UBE2E2: variants seen among roughly 807,000 people sequenced by gnomAD.
UBE2E2 encodes the protein ubiquitin-conjugating enzyme E2 E2.
A neutral mutation model predicts 24.7 loss-of-function variants in UBE2E2; 6 were observed. That is an observed-to-expected ratio of 0.24 (90% CI 0.13 to 0.48). The LOEUF (loss-of-function observed/expected upper bound fraction) is 0.48. UBE2E2 is among the 20% of genes least tolerant of loss of function. The pLI is 0.99. For synonymous variants in UBE2E2, 104 were observed against 83.6 expected (o/e 1.24, Z -1.33); for missense variants, 169 against 245.0 (o/e 0.69, Z 2.07).
chr3:23,297,484 G>A (rs907899048), intron 3 of UBE2E2, among the ~76,000 whole-genome samples: 4 of 152,134 alleles, frequency 2.6e-5, no homozygotes, highest in African/African-American at 9.7e-5. Flanking sequence ...ATTAATTTTT[G>A]TATAAGGTGT....
At chr3:23,485,031 G>A (rs1001890710) in intron 3 of UBE2E2, among the ~76,000 whole-genome samples, 2 of 151,834 alleles carry the variant, frequency 1.3e-5, no homozygotes, top group East Asian at 1.9e-4. Flanking sequence ...AGTCCTGTGG[G>A]AGTCTTGATT....
At chr3:23,390,510 C>T (rs779450155) in intron 3 of UBE2E2, among the ~76,000 whole-genome samples, 9 of 152,218 alleles carry the variant, frequency 5.9e-5, no homozygotes, top group Non-Finnish European at 1.2e-4. Flanking sequence ...CATCACCTTT[C>T]AGACCTTCAT....
At chr3:23,493,061 G>GC (rs1467368757) in intron 3 of UBE2E2, among the ~76,000 whole-genome samples, 2 of 152,090 alleles carry the variant, frequency 1.3e-5, no homozygotes, top group Non-Finnish European at 2.9e-5. Flanking sequence ...GCACAGAAAG[G>GC]TTTAGTGAAA....
chr3:23,314,184 A>G (rs755025849), intron 3 of UBE2E2, among the ~76,000 whole-genome samples: 8 of 152,204 alleles, frequency 5.3e-5, no homozygotes, highest in Non-Finnish European at 1.0e-4. Context: ...GCTGGAGTGC[A>G]GTGGCACAAT....
At chr3:23,456,426 T>C (rs1441724406) in intron 3 of UBE2E2, among the ~76,000 whole-genome samples, 1 of 152,242 alleles carries the variant, frequency 6.6e-6, no homozygotes, top group Middle Eastern at 3.2e-3. Flanking sequence ...GAGGAATCAC[T>C]GCGAATGGGA....
At chr3:23,265,478 G>A (rs958777020) in intron 3 of UBE2E2, among the ~76,000 whole-genome samples, 3 of 152,148 alleles carry the variant, frequency 2.0e-5, no homozygotes, top group Admixed American at 1.3e-4. Context: ...AATAAGGCCT[G>A]CTGAAGGGGG....
In UBE2E2 at chr3:23,474,982, A is replaced by G. The variant is rs570207778; in HGVS notation, c.228-24626A>G. On this transcript the variant is annotated intron_variant, in intron 3 of 5. Transcript: ENST00000396703. This position sits in a 1 kb window ranked among gnomAD's most constrained non-coding sequence, Gnocchi z 4.0. ...CAAATTGCTCCTCTCAAAGTCACCA[A>G]CTGCATTTTGCTGAAAGTGATAGAA... Among the ~76,000 whole-genome samples, 25 of 152,188 alleles carry G rather than the reference A, an allele frequency of 1.6e-4. No individual in the cohort carries two copies. The highest frequency in any genetic ancestry group is 3.3e-4 in the Admixed American group (5 of 15,300).
chr3:23,563,252 A>G (rs1441054170), intron 5 of UBE2E2, among the ~76,000 whole-genome samples: 1 of 152,174 alleles, frequency 6.6e-6, no homozygotes, highest in East Asian at 1.9e-4. Flanking sequence ...TGTGTCCTAG[A>G]GATTCTAGTA....
chr3:23,269,280 A>T (rs538388254), intron 3 of UBE2E2, among the ~76,000 whole-genome samples: 1 of 152,342 alleles, frequency 6.6e-6, no homozygotes, highest in African/African-American at 2.4e-5. Context: ...ACAAAATGGG[A>T]GAAAATTTTC....
At chr3:23,495,236 T>C (rs1189430566) in intron 3 of UBE2E2, among the ~76,000 whole-genome samples, 3 of 152,150 alleles carry the variant, frequency 2.0e-5, no homozygotes, top group Non-Finnish European at 2.9e-5. Flanking sequence ...AAAGAACCAA[T>C]AAAACTTGGA....
At chr3:23,254,535 G>C (rs1026907756) in intron 3 of UBE2E2, among the ~76,000 whole-genome samples, 1 of 152,150 alleles carries the variant, frequency 6.6e-6, no homozygotes, top group Non-Finnish European at 1.5e-5. Context: ...ACCAGTGTGG[G>C]AGCTAATAAT....
intron 3 of UBE2E2, among the ~76,000 whole-genome samples, chr3:23,223,741 AATCTT>A (rs1367493005): frequency 6.6e-6 from 1 of 152,130 alleles, no homozygotes; most frequent in Non-Finnish European, 1.5e-5. Context: ...TTACACAAGA[AATCTT>A]TGCCCAGACC....
intron 3 of UBE2E2, among the ~76,000 whole-genome samples, chr3:23,458,674 C>T (rs1575643957): frequency 6.6e-6 from 1 of 152,238 alleles, no homozygotes; most frequent in African/African-American, 2.4e-5. Flanking sequence ...ACCTCGGCCT[C>T]CCAAAGTGCT....
chr3:23,520,248 C>A (rs936754204), intron 4 of UBE2E2, among the ~76,000 whole-genome samples: 5 of 152,162 alleles, frequency 3.3e-5, no homozygotes, highest in Admixed American at 2.0e-4. Context: ...TCCTCTCAAC[C>A]TATGTCTGTT....
At chr3:23,220,492 C>T (rs1264426453) in intron 3 of UBE2E2, among the ~76,000 whole-genome samples, 2 of 152,154 alleles carry the variant, frequency 1.3e-5, no homozygotes, top group African/African-American at 4.8e-5. Context: ...TAGAAAATTA[C>T]ACTTCATTTG....
chr3:23,482,441 C>G (rs185523325), intron 3 of UBE2E2, among the ~76,000 whole-genome samples: 2 of 152,082 alleles, frequency 1.3e-5, no homozygotes, highest in Admixed American at 1.3e-4. Context: ...TGGGGCTACA[C>G]CTCCACCAAG....
At chr3:23,243,468 CCTTT>C (rs1276242571) in intron 3 of UBE2E2, among the ~76,000 whole-genome samples, 1 of 152,152 alleles carries the variant, frequency 6.6e-6, no homozygotes, top group Admixed American at 6.5e-5. Context: ...GGCCCGCTTC[CCTTT>C]CTGCTTCTTT....
chr3:23,495,640 A>C (rs1211976542), intron 3 of UBE2E2, among the ~76,000 whole-genome samples: 1 of 152,092 alleles, frequency 6.6e-6, no homozygotes, highest in Non-Finnish European at 1.5e-5. Context: ...AAGCTTATCT[A>C]TTCATATTGG....
chr3:23,535,430 G>C (rs980696298), intron 5 of UBE2E2, among the ~76,000 whole-genome samples: 1 of 151,974 alleles, frequency 6.6e-6, no homozygotes, highest in Non-Finnish European at 1.5e-5. Flanking sequence ...TTTTACAATC[G>C]AAAAAAGCTG....
Sources: allele counts gnomAD v4.1 joint callset (sites outside exome capture counted in the v4.1 genomes callset), GRCh38; gene constraint gnomAD v4.1.1; non-coding constraint Gnocchi (gnomAD v3.1); transcripts MANE v1.5; gene names NCBI Gene and HGNC (gene_info 2026-07-23, HGNC 2026-07-21).